The following ITGA3 variants were observed in gnomAD, a reference collection of about 807,000 sequenced individuals.
ITGA3 encodes integrin alpha-3.
A neutral mutation model predicts 131.1 loss-of-function variants in ITGA3; 70 were observed. The ratio of observed to expected loss-of-function variants is 0.53; its 90% CI spans 0.44 to 0.65. ITGA3 has a LOEUF of 0.65. Ranked by LOEUF, ITGA3 falls within the 30% of genes least tolerant of loss-of-function variation. The probability of loss-of-function intolerance (pLI) is 0.00; values close to 1 mark genes in which losing one functional copy is unlikely to be tolerated. For missense variants in ITGA3, 1,098 were observed against 1,388.6 expected (o/e 0.79, Z 3.33); for synonymous variants, 537 against 571.6 (o/e 0.94, Z 0.86).
At chr17:50,071,075 C>T in intron 5 of ITGA3, 145 bp downstream of exon 5, 2 of 728,964 alleles carry the variant, frequency 2.7e-6, no homozygotes, top group Non-Finnish European at 4.8e-6. Context: ...GTATGCCAGG[C>T]CCTGTTCCAA....
chr17:50,061,516 C>G (rs997522550), intron 1 of ITGA3, among the ~76,000 whole-genome samples: 1 of 142,244 alleles, frequency 7.0e-6, no homozygotes, highest in Admixed American at 7.4e-5. Flanking sequence ...CACTGAGGCC[C>G]GGACCCCTTA....
intron 3 of ITGA3, among the ~76,000 whole-genome samples, chr17:50,067,388 G>A (rs1172042840): frequency 2.0e-5 from 3 of 152,174 alleles, no homozygotes; most frequent in Non-Finnish European, 1.5e-5. Context: ...TCTCCCCTCC[G>A]TGAAGCAGCA....
In ITGA3 at chr17:50,075,964, G is replaced by A. The variant is rs1908870574; in HGVS notation, c.1674+229G>A. On this transcript the variant is annotated intron_variant, in intron 12 of 25. Coordinates refer to ENST00000320031, the MANE Select transcript of ITGA3 (RefSeq NM_002204.4). Reference sequence around the variant, plus strand: ...GGCCAAAGGGCTTATTACCTCCAAGGAAAGTGAGGAGTGTGGGAGCTCTTG... The same window carrying A: ...GGCCAAAGGGCTTATTACCTCCAAGAAAAGTGAGGAGTGTGGGAGCTCTTG... Among the ~76,000 whole-genome samples, 5 of 152,270 alleles carry A rather than the reference G, an allele frequency of 3.3e-5. 1 individual carries two copies. The South Asian group carries it at 1.0e-3, about 32-fold the overall frequency.
At chr17:50,075,062 G>A (rs1908817939) in intron 10 of ITGA3, among the ~76,000 whole-genome samples, 1 of 152,196 alleles carries the variant, frequency 6.6e-6, no homozygotes, top group East Asian at 1.9e-4. Flanking sequence ...ATGACCCCAA[G>A]GTCTTTAAGT....
Position 50,088,223 on chromosome 17 carries a change from A to G in ITGA3, c.3046-2A>G, listed in dbSNP as rs1909551859. ...CCCGTCCCCACCTCCTCCCCTCCGC[A>G]GTGCGGCTTCTTCAAGCGAGCCCGC... On this transcript the variant is annotated splice_acceptor_variant, in intron 24 of 25. Transcript: ENST00000320031. LOFTEE classifies it high-confidence loss of function. The G allele has an allele frequency of 6.4e-7, 1 of 1,557,584 alleles. No homozygotes were observed. Among genetic ancestry groups the G allele is most frequent in the Non-Finnish European group, 8.7e-7 (1 of 1,150,618 alleles).
At position 50,080,463 on chromosome 17, in the gene ITGA3, G is replaced by GGTGTGTGTGTGTGTGTGT. The variant is rs113441627; in HGVS notation, c.2820+114_2820+131dup. On this transcript the variant is annotated intron_variant, in intron 22 of 25. Coordinates refer to ENST00000320031, the MANE Select transcript of ITGA3 (RefSeq NM_002204.4). ...AGGGCGAGTCCAGGGTCATAGCATGGGTGTGTGTGTGTGTGTGTGTGTGTG... is the reference window on the plus strand; with the variant it reads ...AGGGCGAGTCCAGGGTCATAGCATGGGTGTGTGTGTGTGTGTGTGTGTGTGTGTGTGTGTGTGTGTGTG... 4 of 506,252 alleles carry GGTGTGTGTGTGTGTGTGT rather than the reference G, an allele frequency of 7.9e-6. No homozygotes were observed. The African/African-American group carries it at 9.8e-5, about 12-fold the overall frequency. 31.4% of individuals were successfully genotyped at this position (506,252 alleles called of 1,614,324 possible).
chr17:50,080,418 AG>A (rs1189523432), intron 22 of ITGA3, 43 bp downstream of exon 22: 9 of 1,230,422 alleles, frequency 7.3e-6, no homozygotes, highest in Non-Finnish European at 1.1e-5. Flanking sequence ...ATCCACCCTG[AG>A]GGGGAGAACA....
At chr17:50,079,621 A>T (rs1909093279) in intron 21 of ITGA3, 64 bp downstream of exon 21, 14 of 1,444,484 alleles carry the variant, frequency 9.7e-6, no homozygotes, top group African/African-American at 2.8e-5. Flanking sequence ...CCTGGGCACC[A>T]GGGGCACACA....
rs765182705 is a variant in ITGA3 at position 50,076,303 on chromosome 17, C to T, written c.1675-23C>T. 17 of 1,609,394 alleles carry T rather than the reference C, an allele frequency of 1.1e-5. No homozygotes were observed. The Middle Eastern group carries it at 5.0e-4, about 47-fold the overall frequency. ...GGGCAGGGAGCAGTGCAGGGCCGGG[C>T]TCAGCTCACCCTCTCTCCCCAGGAC... On this transcript the variant is annotated intron_variant, in intron 12 of 25. Transcript: ENST00000320031.
intron 22 of ITGA3, 111 bp downstream of exon 22, chr17:50,080,486 GT>G: frequency 1.7e-6 from 1 of 599,378 alleles, no homozygotes; most frequent in Non-Finnish European, 3.0e-6. Context: ...GTGTGTGTGT[GT>G]GTGTGTGTGT....
At chr17:50,076,824 G>GCTTTCTCCT (rs1908930235) in intron 14 of ITGA3, 143 bp downstream of exon 14, 1 of 1,172,710 alleles carries the variant, frequency 8.5e-7, no homozygotes, top group Admixed American at 2.0e-5. Context: ...CAGAAACGGG[G>GCTTTCTCCT]CTTTCTCCTC....
intron 23 of ITGA3, 164 bp from the exon 24 acceptor site, chr17:50,087,580 T>C (rs1053721108): frequency 2.9e-6 from 2 of 699,128 alleles, no homozygotes; most frequent in Non-Finnish European, 4.8e-6. Flanking sequence ...GAAGGACCAC[T>C]GGACCTGCTG....
At chr17:50,059,039 G>C (rs1907959829) in intron 1 of ITGA3, among the ~76,000 whole-genome samples, 2 of 152,186 alleles carry the variant, frequency 1.3e-5, no homozygotes, top group African/African-American at 4.8e-5. Context: ...CTCAGAAATG[G>C]TTAGAAACCC....
At chr17:50,063,165 C>G (rs1908172425) in intron 1 of ITGA3, among the ~76,000 whole-genome samples, 1 of 149,114 alleles carries the variant, frequency 6.7e-6, no homozygotes, top group Non-Finnish European at 1.5e-5. Flanking sequence ...TCCTAAGCAT[C>G]CTTGCAGGAA....
intron 1 of ITGA3, among the ~76,000 whole-genome samples, chr17:50,057,057 A>C (rs1907861816): frequency 6.6e-6 from 1 of 152,126 alleles, no homozygotes; most frequent in African/African-American, 2.4e-5. Flanking sequence ...GAGCATATAC[A>C]TTTAAGCACC....
chr17:50,068,858 A>ATTTT (rs1161064944), intron 4 of ITGA3, among the ~76,000 whole-genome samples: 35 of 98,430 alleles, frequency 3.6e-4, no homozygotes, highest in Non-Finnish European at 5.3e-4. Flanking sequence ...TTATTTATTT[A>ATTTT]TTTTTTTGAG....
At chr17:50,062,750 T>C (rs1233971880) in intron 1 of ITGA3, among the ~76,000 whole-genome samples, 1 of 152,244 alleles carries the variant, frequency 6.6e-6, no homozygotes, top group African/African-American at 2.4e-5. Context: ...GCTACAGGCG[T>C]GGCTGTTGCT....
chr17:50,078,549 G>A (rs933657688), intron 18 of ITGA3, among the ~76,000 whole-genome samples: 3 of 152,202 alleles, frequency 2.0e-5, no homozygotes, highest in Admixed American at 6.5e-5. Context: ...AGCTCATTGT[G>A]CTAAGGATTT....
At chr17:50,062,051 A>AG (rs1258660516) in intron 1 of ITGA3, among the ~76,000 whole-genome samples, 1 of 151,582 alleles carries the variant, frequency 6.6e-6, no homozygotes. Flanking sequence ...AAAAAAAAAA[A>AG]AAAAAGAAAG....
Sources: gnomAD v4.1 joint callset for allele counts (sites outside exome capture counted in the v4.1 genomes callset) on GRCh38, gnomAD v4.1.1 for gene constraint, MANE v1.5 for transcripts, NCBI Gene and HGNC (gene_info 2026-07-23, HGNC 2026-07-21) for gene names.